The following FLNB variants were observed in gnomAD, a reference collection of about 807,000 sequenced individuals.
FLNB encodes filamin B, also known as filamin-B.
FLNB carries 111 observed loss-of-function variants against 250.6 expected under a neutral mutation model. The observed-to-expected ratio is 0.44, with a 90% confidence interval of 0.38 to 0.52. The LOEUF (loss-of-function observed/expected upper bound fraction) is 0.52. Among genes scored for constraint, FLNB ranks in the 20% least tolerant of loss-of-function variants. The probability of loss-of-function intolerance (pLI) is 0.00; values close to 1 mark genes in which losing one functional copy is unlikely to be tolerated. For missense variants in FLNB, 2,869 were observed against 3,447.8 expected (o/e 0.83, Z 4.20); for synonymous variants, 1,302 against 1,372.1 (o/e 0.95, Z 1.13).
At position 58,097,972 on chromosome 3, in the gene FLNB, C is replaced by T. The variant is rs575372278; in HGVS notation, c.1142C>T (p.Thr381Met). 39 of 1,613,902 alleles carry T rather than the reference C, an allele frequency of 2.4e-5. No homozygotes were observed. The highest frequency in any genetic ancestry group is 5.5e-5 in the South Asian group (5 of 91,068). The change falls in exon 7 of 46, where the codon ACG becomes ATG. Residue 381 changes from threonine (T) to methionine (M), a missense_variant. Thr to Met is a moderately conservative substitution (Grantham distance 81). Coordinates refer to ENST00000295956, the MANE Select transcript of FLNB (RefSeq NM_001457.4). ...AAGCCCACCTACTTTGACATCTATA[C>T]GGCAGGTAACGTGCCTCTCCTCCAT... is the stretch of plus-strand genomic sequence containing the variant. Reference protein sequence around the residue: ...ANKPTYFDIYTAGAGVGDIGV... With the variant: ...ANKPTYFDIYMAGAGVGDIGV...
chr3:58,125,396 G>T (rs1002552982), intron 22 of FLNB, among the ~76,000 whole-genome samples, 185 bp from the exon 23 acceptor site: 1 of 152,188 alleles, frequency 6.6e-6, no homozygotes. Context: ...GCCTCCCAAA[G>T]TGCTGGGATT....
chr3:58,077,189 C>T lies in FLNB; in HGVS notation c.436C>T (p.Leu146=). Residue 146 remains leucine, a synonymous_variant, in exon 2 of 46, where the codon CTG becomes TTG. Transcript: ENST00000295956. The part of the protein sequence containing the change: ...AKKQTPKQRL[L]GWIQNKIPYL... Reference sequence around the variant, plus strand: ...GAAGCAGACGCCAAAGCAGAGGCTGCTGGGGTGGATTCAGAACAAGATCCC... The same window carrying T: ...GAAGCAGACGCCAAAGCAGAGGCTGTTGGGGTGGATTCAGAACAAGATCCC... 1 of 1,614,128 alleles carries T rather than the reference C, an allele frequency of 6.2e-7. No homozygotes were observed. The highest frequency in any genetic ancestry group is 8.5e-7 in the Non-Finnish European group (1 of 1,180,006).
At chr3:58,147,826 A>C (rs1343645942) in intron 34 of FLNB, among the ~76,000 whole-genome samples, 2 of 151,938 alleles carry the variant, frequency 1.3e-5, no homozygotes, top group Non-Finnish European at 2.9e-5. Context: ...CACCCAGCTT[A>C]TTTTTGTATT....
intron 8 of FLNB, among the ~76,000 whole-genome samples, chr3:58,100,593 TTTTTTTTG>T: frequency 7.3e-6 from 1 of 137,488 alleles, no homozygotes; most frequent in East Asian, 2.3e-4. Context: ...CTTTTTCTTT[TTTTTTTTG>T]TTTTGTTTTG....
At position 58,026,498 on chromosome 3, in the gene FLNB, G is replaced by T. The variant is rs536028975; in HGVS notation, c.292+17642G>T. On this transcript the variant is annotated intron_variant, in intron 1 of 45. Transcript: ENST00000295956. ...TACAGTGGTTAGTGCTTGGAAACTG[G>T]ACTTCTGGGTTATGCCCTGTACAAA... 2.0e-4 allele frequency among the ~76,000 whole-genome samples: 30 copies of T among 152,298 alleles called. No individual in the cohort carries two copies. The South Asian group carries it at 6.2e-3, about 32-fold the overall frequency.
chr3:58,030,091 A>G (rs1231153788), intron 1 of FLNB, among the ~76,000 whole-genome samples: 2 of 152,222 alleles, frequency 1.3e-5, no homozygotes, highest in African/African-American at 4.8e-5. Context: ...AGCGAGGCAA[A>G]GGAGATATCA....
chr3:58,012,229 A>T (rs2097099985), intron 1 of FLNB, among the ~76,000 whole-genome samples: 2 of 133,644 alleles, frequency 1.5e-5, no homozygotes, highest in Non-Finnish European at 3.2e-5. Context: ...AAAAAAAAAA[A>T]AAGTCATGCC....
At chr3:58,049,232 C>G (rs906631833) in intron 1 of FLNB, among the ~76,000 whole-genome samples, 3 of 151,934 alleles carry the variant, frequency 2.0e-5, no homozygotes, top group Non-Finnish European at 2.9e-5. Flanking sequence ...GTACGATCTT[C>G]CAAGCCCACG....
intron 1 of FLNB, among the ~76,000 whole-genome samples, chr3:58,033,861 A>G (rs1228294212): frequency 1.3e-5 from 2 of 151,630 alleles, no homozygotes; most frequent in Admixed American, 6.6e-5. Context: ...GTGGTTTCTT[A>G]TTTATTTATT....
At position 58,121,645 on chromosome 3, in the gene FLNB, T is replaced by G. The variant is rs2097288947; in HGVS notation, c.3126+142T>G. On this transcript the variant is annotated intron_variant, in intron 20 of 45. Coordinates refer to ENST00000295956, the MANE Select transcript of FLNB (RefSeq NM_001457.4). ...GCACAATTCACTGTGAAAGGTCCCCTGGGTAGGTGGGTCACAACCCTGCTC... is the reference window on the plus strand; with the variant it reads ...GCACAATTCACTGTGAAAGGTCCCCGGGGTAGGTGGGTCACAACCCTGCTC... The G allele has an allele frequency of 3.9e-6, 4 of 1,019,484 alleles. No individual in the cohort carries two copies. The South Asian group carries it at 5.7e-5, about 14-fold the overall frequency. The allele number at this position is 1,019,484 out of a possible 1,614,324, so 63.2% of individuals were successfully genotyped here. A position where few individuals can be genotyped will look rare whatever the true frequency, so the allele number is the denominator to read the frequency against.
In FLNB at chr3:58,105,288, G is replaced by A. The variant is rs534038095; in HGVS notation, c.1747+72G>A. 6.5e-5 allele frequency: 103 copies of A among 1,596,232 alleles called. 1 individual carries two copies. In the South Asian group the frequency reaches 1.0e-3, roughly 16 times the overall value. ...CAGGGCTTCCGGGCTGTGTCAGGCT[G>A]GATGTTGGGGCCTTGCCTAGCCTCA... On this transcript the variant is annotated intron_variant, in intron 11 of 45. Transcript: ENST00000295956.
chr3:58,167,787 G>A (rs931865113), intron 43 of FLNB, among the ~76,000 whole-genome samples: 2 of 152,252 alleles, frequency 1.3e-5, no homozygotes, highest in African/African-American at 4.8e-5. Flanking sequence ...CAGGAATCAC[G>A]GAAAGGATTC....
At chr3:58,110,388 A>G (rs181595465) in intron 16 of FLNB, among the ~76,000 whole-genome samples, 3 of 152,044 alleles carry the variant, frequency 2.0e-5, no homozygotes, top group Admixed American at 2.0e-4. Context: ...TCAGCCTCCC[A>G]AGTAGCTGGG....
chr3:58,060,769 C>CAAAAAAAAAAAAA (rs71091334), intron 1 of FLNB, among the ~76,000 whole-genome samples: 52 of 64,210 alleles, frequency 8.1e-4, no homozygotes, highest in Non-Finnish European at 1.1e-3. Context: ...GACCTTGTCT[C>CAAAAAAAAAAAAA]AAAAAAAAAA....
At chr3:58,088,294 T>G (rs977590792) in intron 4 of FLNB, among the ~76,000 whole-genome samples, 2 of 152,086 alleles carry the variant, frequency 1.3e-5, no homozygotes, top group African/African-American at 4.8e-5. Context: ...GTAATCCACC[T>G]GCCTTGGCCT....
intron 1 of FLNB, among the ~76,000 whole-genome samples, chr3:58,055,586 C>T (rs1353906476): frequency 6.6e-6 from 1 of 152,194 alleles, no homozygotes; most frequent in Admixed American, 6.5e-5. Context: ...CACAGCCAAA[C>T]CACATCAGTG....
chr3:58,168,790 T>C, intron 44 of FLNB, 132 bp downstream of exon 44: 1 of 734,486 alleles, frequency 1.4e-6, no homozygotes, highest in South Asian at 1.5e-5. Context: ...CAGTAAATAG[T>C]ATGAGATGTC....
intron 38 of FLNB, among the ~76,000 whole-genome samples, chr3:58,151,822 A>T (rs1225169065): frequency 6.6e-6 from 1 of 152,216 alleles, no homozygotes; most frequent in African/African-American, 2.4e-5. Context: ...CTGGATGCCC[A>T]GGAGTGGGCT....
At chr3:58,121,153 G>A (rs1248565222) in intron 19 of FLNB, 88 bp from the exon 20 acceptor site, 1 of 1,563,024 alleles carries the variant, frequency 6.4e-7, no homozygotes. Flanking sequence ...AAGTCCCCGT[G>A]TCCAAAGAAC....
Sources: allele counts gnomAD v4.1 joint callset (sites outside exome capture counted in the v4.1 genomes callset), GRCh38; gene constraint gnomAD v4.1.1; transcripts MANE v1.5; gene names NCBI Gene and HGNC (gene_info 2026-07-23, HGNC 2026-07-21).